Variants in EML3 observed in about 807,000 individuals in gnomAD.
The protein encoded by EML3 is EMAP like 3.
In EML3, 53 loss-of-function variants were observed where a neutral mutation model predicts 106.7. The ratio of observed to expected loss-of-function variants is 0.50; its 90% CI spans 0.40 to 0.62. The LOEUF (loss-of-function observed/expected upper bound fraction) is 0.62, where lower values mean the gene tolerates loss of function less well. Among genes scored for constraint, EML3 ranks in the 20% least tolerant of loss-of-function variants. The pLI is 0.00. For missense variants in EML3, 994 were observed against 1,209.1 expected, an observed-to-expected ratio of 0.82 and a Z score of 2.64; for synonymous variants, 499 against 489.6, an observed-to-expected ratio of 1.02 and a Z score of -0.25.
At chr11:62,603,603 C>A in intron 19 of EML3, 126 bp downstream of exon 19, 1 of 787,950 alleles carries the variant, frequency 1.3e-6, no homozygotes. Context: ...ATTTCTCCTA[C>A]ATATAATTCC....
Position 62,607,002 on chromosome 11 carries a change from C to T in EML3, c.1460G>A (p.Arg487Gln), listed in dbSNP as rs879086902. ...DSEGNILTWGRSPSDSKTPGR... is the reference protein window; with the variant it reads ...DSEGNILTWGQSPSDSKTPGR... The stretch of plus-strand genomic sequence containing the variant: ...TGGGGTCTTGGAATCTGAAGGGCTC[C>T]GCCCCCAGGTGAGAATGTTCCCCTC... Residue 487 changes from arginine (R) to glutamine (Q), a missense_variant, in exon 12 of 22, where the codon CGG (arginine) becomes CAG (glutamine). By Grantham distance (43) the Arg-to-Gln change is conservative. Around this residue, in one of 3 missense-constraint regions of EML3, gnomAD observed 713 missense variants for 920.5 expected, o/e 0.77. Coordinates refer to ENST00000394773, the MANE Select transcript of EML3 (RefSeq NM_153265.3). The T allele has an allele frequency of 1.1e-5, 17 of 1,614,124 alleles. No homozygotes were observed. Among genetic ancestry groups the T allele is most frequent in the Non-Finnish European group, 1.4e-5 (16 of 1,179,994 alleles).
chr11:62,603,406 G>T (rs894437386), intron 19 of EML3, among the ~76,000 whole-genome samples, 159 bp from the exon 20 acceptor site: 2 of 152,190 alleles, frequency 1.3e-5, no homozygotes, highest in South Asian at 4.1e-4. Context: ...AACCCACCCT[G>T]TGTGCGTCCT....
At position 62,602,509 on chromosome 11, in the gene EML3, G is replaced by C; in HGVS notation, c.2657C>G (p.Pro886Arg). 1 of 1,519,478 alleles carries C rather than the reference G, an allele frequency of 6.6e-7. No individual in the cohort carries two copies. The highest frequency in any genetic ancestry group is 8.8e-7 in the Non-Finnish European group (1 of 1,132,114). The allele number at this position is 1,519,478 out of a possible 1,614,324, so 94.1% of individuals were successfully genotyped here. ...GAGGGAGGAGGCGGGGGACAGGGAGGGGGTTCGAGAGGGCGTGGCGGGCGC... is the reference window on the plus strand; with the variant it reads ...GAGGGAGGAGGCGGGGGACAGGGAGCGGGTTCGAGAGGGCGTGGCGGGCGC... ...GPAPATPSRT[P>R]SLSPASSLDV is the part of the protein sequence containing the mutation. The change falls in exon 22 of 22, where the codon CCC (proline) becomes CGC (arginine). Residue 886 changes from proline to arginine, a missense_variant. Physicochemically the swap from Pro to Arg is moderately radical, Grantham distance 103 (BLOSUM62 -2). Around this residue, in one of 3 missense-constraint regions of EML3, gnomAD observed 713 missense variants for 920.5 expected, o/e 0.77. Transcript: ENST00000394773.
chr11:62,609,808 G>T, intron 4 of EML3, 112 bp from the exon 5 acceptor site: 1 of 914,592 alleles, frequency 1.1e-6, no homozygotes. Context: ...ACTTCTGCAA[G>T]CCTGTAGTTT....
At chr11:62,610,822 T>C in intron 4 of EML3, 57 bp downstream of exon 4, 1 of 1,454,516 alleles carries the variant, frequency 6.9e-7, no homozygotes. Flanking sequence ...GTGAGGGATA[T>C]GGAAAGTCGA....
In EML3 at chr11:62,609,369, A is replaced by T; in HGVS notation, c.743T>A (p.Leu248His). The change falls in exon 6 of 22, where the codon CTC (leucine) becomes CAC (histidine). Residue 248 changes from leucine (L) to histidine (H), a missense_variant. Transcript: ENST00000394773. The stretch of plus-strand genomic sequence containing the variant: ...GGCAGGATACACCCAGTCAAGGCTG[A>T]GGGTCTCTGGCGGTGGGCCACTCGG... ...ELPSGPPPETLSLDWVYGYRG... is the reference protein window; with the variant it reads ...ELPSGPPPETHSLDWVYGYRG... The T allele has an allele frequency of 6.3e-7, 1 of 1,585,324 alleles. No homozygotes were observed.
At position 62,612,509 on chromosome 11, in the gene EML3, C is replaced by G; in HGVS notation, c.-52G>C. 7.4e-7 allele frequency: 1 copy of G among 1,354,598 alleles called. No homozygotes were observed. The highest frequency in any genetic ancestry group is 1.8e-5 in the South Asian group (1 of 56,508). The allele number at this position is 1,354,598 out of a possible 1,614,324, so 83.9% of individuals were successfully genotyped here. A position where few individuals can be genotyped will look rare whatever the true frequency, so the allele number is the denominator to read the frequency against. The stretch of plus-strand genomic sequence containing the variant: ...GGCGGCGGAGGAGGCGTCTAAGCCG[C>G]GGGGGCCACGGCCGGGGAGAGGGGA... On this transcript the variant is annotated 5_prime_UTR_variant, in exon 1 of 22. Transcript: ENST00000394773.
In EML3 at chr11:62,604,159, A is replaced by C; in HGVS notation, c.2025T>G (p.Asp675Glu). The C allele has an allele frequency of 6.2e-7, 1 of 1,614,018 alleles. No homozygotes were observed. Among genetic ancestry groups the C allele is most frequent in the Non-Finnish European group, 8.5e-7 (1 of 1,179,998 alleles). The change falls in exon 17 of 22, where the codon GAT (aspartate) becomes GAG (glutamate). Residue 675 changes from aspartate to glutamate, a missense_variant. Asp to Glu is a conservative substitution (Grantham distance 45). Coordinates refer to ENST00000394773, the MANE Select transcript of EML3 (RefSeq NM_153265.3). ...AGAGCTGCTCATTGCCATCAATGACATCAGACACGATCTCTCTGGTCTCTG... is the reference window on the plus strand; with the variant it reads ...AGAGCTGCTCATTGCCATCAATGACCTCAGACACGATCTCTCTGGTCTCTG... ...LDTETREIVS[D>E]VIDGNEQLSV...
At position 62,610,728 on chromosome 11, in the gene EML3, G is replaced by A. The variant is rs115203850; in HGVS notation, c.566+151C>T. ...AGGTCGAGGGTTTAGCACAGTGCCC[G>A]GTACACAGCAGGCGCCCCAGAAGTG... On this transcript the variant is annotated intron_variant, in intron 4 of 21. Coordinates refer to ENST00000394773, the MANE Select transcript of EML3 (RefSeq NM_153265.3). 5.6e-4 allele frequency: 369 copies of A among 657,782 alleles called. 1 individual carries two copies. In the African/African-American group the frequency reaches 6.1e-3, roughly 11 times the overall value. The allele number at this position is 657,782 out of a possible 1,614,324, so 40.7% of individuals were successfully genotyped here.
At position 62,609,496 on chromosome 11, in the gene EML3, G is replaced by GTGTCAAC. The variant is rs1565063930; in HGVS notation, c.635-26_635-20dup. On this transcript the variant is annotated intron_variant, in intron 5 of 21. Coordinates refer to ENST00000394773, the MANE Select transcript of EML3 (RefSeq NM_153265.3). ...ATGCCTTCTACAGAGAAAAGGGGTG[G>GTGTCAAC]TGTCAACTACCCCCTTCCAGGAAAG... 2 of 1,550,422 alleles carry GTGTCAAC rather than the reference G, an allele frequency of 1.3e-6. No individual in the cohort carries two copies. Among genetic ancestry groups the GTGTCAAC allele is most frequent in the Non-Finnish European group, 1.7e-6 (2 of 1,146,396 alleles).
Position 62,605,037 on chromosome 11 carries a change from C to T in EML3, c.1982+76G>A, listed in dbSNP as rs1384930335. The T allele has an allele frequency of 4.8e-6, 7 of 1,454,788 alleles. No individual in the cohort carries two copies. Among genetic ancestry groups the T allele is most frequent in the African/African-American group, 4.3e-5 (3 of 70,124 alleles). 90.1% of individuals were successfully genotyped at this position (1,454,788 alleles called of 1,614,324 possible). On this transcript the variant is annotated intron_variant, in intron 16 of 21. Transcript: ENST00000394773. The surrounding 1 kb of genome is among the most constrained non-coding windows in gnomAD (Gnocchi z 5.2). ...GCTCCTGGGTAGAGGTGGTCACTCT[C>T]GCCCACTCCCCCAGTACCAGGAACC... is the stretch of plus-strand genomic sequence containing the variant.
Position 62,605,504 on chromosome 11 carries a change from A to G in EML3, c.1914+138T>C. 8.2e-7 allele frequency: 1 copy of G among 1,226,528 alleles called. No individual in the cohort carries two copies. Among genetic ancestry groups the G allele is most frequent in the Non-Finnish European group, 1.1e-6 (1 of 897,210 alleles). The allele number at this position is 1,226,528 out of a possible 1,614,324, so 76.0% of individuals were successfully genotyped here. ...TACCAGTCAGTACAGAAAAATTAAT[A>G]TTTGAGTAGCCAGTGCAGCCATACC... On this transcript the variant is annotated intron_variant, in intron 15 of 21. Coordinates refer to ENST00000394773, the MANE Select transcript of EML3 (RefSeq NM_153265.3). The surrounding 1 kb of genome is among the most constrained non-coding windows in gnomAD (Gnocchi z 5.2).
Position 62,605,719 on chromosome 11 carries a change from G to T in EML3, c.1837C>A (p.Leu613Ile). 1 of 1,601,232 alleles carries T rather than the reference G, an allele frequency of 6.2e-7. No individual in the cohort carries two copies. Among genetic ancestry groups the T allele is most frequent in the Non-Finnish European group, 8.5e-7 (1 of 1,173,076 alleles). The change falls in exon 15 of 22, where the codon CTC becomes ATC. Residue 613 changes from leucine (L) to isoleucine (I), a missense_variant. Leu to Ile is a conservative substitution (Grantham distance 5). Transcript: ENST00000394773. This position sits in a 1 kb window ranked among gnomAD's most constrained non-coding sequence, Gnocchi z 5.2. Reference protein sequence around the residue: ...LCTHPSQNRFLTCGHDRQLCL... With the variant: ...LCTHPSQNRFITCGHDRQLCL... ...AGCTGCCGGTCGTGGCCGCAGGTGA[G>T]GAAGCGGTTCTGGGAGGGGTGTGTG...
chr11:62,608,914 C>A (rs946875293), intron 7 of EML3, 48 bp downstream of exon 7: 2 of 1,599,424 alleles, frequency 1.3e-6, no homozygotes, highest in Non-Finnish European at 1.7e-6. Context: ...GCTTCTCCAT[C>A]CCCCCAGACC....
chr11:62,606,724 G>T (rs896762746), intron 12 of EML3, among the ~76,000 whole-genome samples: 4 of 152,202 alleles, frequency 2.6e-5, no homozygotes, highest in Admixed American at 2.6e-4. Flanking sequence ...GGGCGTGGTG[G>T]CGTGTGCCTG....
Position 62,602,894 on chromosome 11 carries a change from C to A in EML3, c.2357-5G>T. On this transcript the variant is annotated splice_region_variant and splice_polypyrimidine_tract_variant and intron_variant, in intron 20 of 21. Transcript: ENST00000394773. ...CGGAGCCGTCCGGCCAGACGCCTAGCACAGCGGCCGGCCTCAGCCCGACCT... is the reference window on the plus strand; with the variant it reads ...CGGAGCCGTCCGGCCAGACGCCTAGAACAGCGGCCGGCCTCAGCCCGACCT... 1 of 1,552,714 alleles carries A rather than the reference C, an allele frequency of 6.4e-7. No individual in the cohort carries two copies. Among genetic ancestry groups the A allele is most frequent in the Admixed American group, 1.8e-5 (1 of 54,936 alleles).
chr11:62,603,268 C>G (rs776409158), intron 19 of EML3, 21 bp from the exon 20 acceptor site: 1 of 1,607,694 alleles, frequency 6.2e-7, no homozygotes, highest in Non-Finnish European at 8.5e-7. Flanking sequence ...GGAGCCCGCC[C>G]AGCTCAGCTC....
rs767044881 is a variant in EML3 at position 62,607,057 on chromosome 11, G to A, written c.1405C>T (p.Pro469Ser). ...PKFIPCFVFL[P>S]DGDILTGDSE... Reference sequence around the variant, plus strand: ...TCTCCAGTGAGAATGTCTCCATCCGGAAGGAACACAAAGCAAGGGATAAAC... The same window carrying A: ...TCTCCAGTGAGAATGTCTCCATCCGAAAGGAACACAAAGCAAGGGATAAAC... The change falls in exon 12 of 22, where the codon CCG becomes TCG. Residue 469 changes from proline (P) to serine (S), a missense_variant. Physicochemically the swap from Pro to Ser is moderately conservative, Grantham distance 74. Coordinates refer to ENST00000394773, the MANE Select transcript of EML3 (RefSeq NM_153265.3). The A allele has an allele frequency of 3.7e-5, 60 of 1,614,004 alleles. No individual in the cohort carries two copies. Among genetic ancestry groups the A allele is most frequent in the Non-Finnish European group, 4.9e-5 (58 of 1,180,020 alleles).
intron 17 of EML3, 32 bp from the exon 18 acceptor site, chr11:62,604,073 C>A: frequency 6.2e-7 from 1 of 1,613,994 alleles, no homozygotes; most frequent in Non-Finnish European, 8.5e-7. Flanking sequence ...GAGGGAAGGG[C>A]CAGGGACGCA....
Sources: gnomAD v4.1 joint callset for allele counts (sites outside exome capture counted in the v4.1 genomes callset) on GRCh38, gnomAD v4.1.1 for gene constraint, gnomAD v4.1.1 regional missense constraint, Gnocchi (gnomAD v3.1) non-coding constraint, MANE v1.5 for transcripts, NCBI Gene and HGNC (gene_info 2026-07-23, HGNC 2026-07-21) for gene names.